PDE4D: variants seen among roughly 807,000 people sequenced by gnomAD.
PDE4D encodes 3',5'-cyclic-AMP phosphodiesterase 4D.
In PDE4D, 24 loss-of-function variants were observed where a neutral mutation model predicts 87.4. The observed-to-expected ratio is 0.27, with a 90% CI of 0.20 to 0.39. The LOEUF is 0.39. Ranked by LOEUF, PDE4D falls within the 10% of genes least tolerant of loss-of-function variation. PDE4D has a pLI of 1.00. For synonymous variants in PDE4D, 384 were observed against 383.2 expected, an observed-to-expected ratio of 1.00 and a Z score of -0.02; for missense variants, 714 against 1,041.0, an observed-to-expected ratio of 0.69 and a Z score of 4.32.
intron 1 of PDE4D, among the ~76,000 whole-genome samples, chr5:59,363,817 T>C (rs1782609646): frequency 6.6e-6 from 1 of 152,122 alleles, no homozygotes; most frequent in African/African-American, 2.4e-5. Context: ...CCTGTGAGCC[T>C]GGGGTGGGAC....
intron 1 of PDE4D, among the ~76,000 whole-genome samples, chr5:59,245,757 T>A (rs908190046): frequency 6.6e-6 from 1 of 152,110 alleles, no homozygotes; most frequent in Admixed American, 6.6e-5. Flanking sequence ...ATCTTGCTTT[T>A]CTCATCTTAA....
intron 1 of PDE4D, among the ~76,000 whole-genome samples, chr5:59,473,619 C>G (rs1212386942): frequency 2.0e-5 from 3 of 152,030 alleles, no homozygotes; most frequent in Non-Finnish European, 2.9e-5. Context: ...CAAGAACATC[C>G]CTGTACCAAT....
intron 5 of PDE4D, among the ~76,000 whole-genome samples, chr5:59,166,991 T>A (rs1782021242): frequency 6.6e-6 from 1 of 152,224 alleles, no homozygotes; most frequent in South Asian, 2.1e-4. Flanking sequence ...TAGTTTATAA[T>A]ACTTTTCAAC....
intron 1 of PDE4D, among the ~76,000 whole-genome samples, chr5:59,273,297 C>T (rs953584227): frequency 6.6e-6 from 1 of 151,220 alleles, no homozygotes; most frequent in African/African-American, 2.4e-5. Context: ...GAAGAGAGGC[C>T]GTTTGGGTTT....
chr5:59,687,709 C>T (rs1030831777), intron 1 of PDE4D, among the ~76,000 whole-genome samples: 1 of 152,136 alleles, frequency 6.6e-6, no homozygotes, highest in African/African-American at 2.4e-5. Flanking sequence ...ATCAAATTCA[C>T]ACATAACAAT....
At chr5:60,228,927 G>C (rs765082038) in intron 1 of PDE4D, among the ~76,000 whole-genome samples, 4 of 151,938 alleles carry the variant, frequency 2.6e-5, no homozygotes, top group Non-Finnish European at 4.4e-5. Flanking sequence ...TCAGATTAAA[G>C]AATCATGACA....
intron 1 of PDE4D, among the ~76,000 whole-genome samples, chr5:59,814,835 G>GA (rs907384942): frequency 1.2e-4 from 18 of 150,316 alleles, no homozygotes; most frequent in East Asian, 5.8e-4. Context: ...TAAGGAGGAG[G>GA]AAAAAAAAAT....
chr5:59,042,783 C>T lies in PDE4D; in HGVS notation c.809-3812G>A, dbSNP rs917010787. Among the ~76,000 whole-genome samples, 12 of 152,298 alleles carry T rather than the reference C, an allele frequency of 7.9e-5. 1 individual carries two copies. In the East Asian group the frequency reaches 2.1e-3, roughly 27 times the overall value. ...GAGGCTCTTCTGTGAACAAACAGTCCTCAATTCTTGCGGGCCAGCACTTGG... is the reference window on the plus strand; with the variant it reads ...GAGGCTCTTCTGTGAACAAACAGTCTTCAATTCTTGCGGGCCAGCACTTGG... On this transcript the variant is annotated intron_variant, in intron 5 of 14. Transcript: ENST00000340635.
At chr5:59,519,249 A>G (rs1811751635) in intron 1 of PDE4D, among the ~76,000 whole-genome samples, 1 of 152,256 alleles carries the variant, frequency 6.6e-6, no homozygotes, top group Non-Finnish European at 1.5e-5. Context: ...TTGCCCTTAT[A>G]GAGCTTACAT....
intron 2 of PDE4D, among the ~76,000 whole-genome samples, chr5:60,118,060 C>A (rs1302587096): frequency 2.0e-5 from 3 of 152,096 alleles, no homozygotes; most frequent in Admixed American, 2.0e-4. Flanking sequence ...TCCTGAAAAT[C>A]ACTCCTTTTG....
At chr5:59,978,998 T>C (rs1019593759) in intron 3 of PDE4D, among the ~76,000 whole-genome samples, 5 of 152,184 alleles carry the variant, frequency 3.3e-5, no homozygotes, top group Admixed American at 1.3e-4. Flanking sequence ...CACTACAATA[T>C]AGTGTAAACA....
intron 6 of PDE4D, among the ~76,000 whole-genome samples, chr5:59,013,881 G>A (rs1384316004): frequency 3.3e-5 from 5 of 152,116 alleles, no homozygotes; most frequent in Admixed American, 2.6e-4. Context: ...GATGAACATC[G>A]ATGCAAAAAT....
chr5:59,397,987 T>G, intron 1 of PDE4D, among the ~76,000 whole-genome samples: 1 of 120,552 alleles, frequency 8.3e-6, no homozygotes, highest in African/African-American at 3.3e-5. Flanking sequence ...CTAGAAGAAA[T>G]GGATAAATTC....
At chr5:60,319,702 G>A (rs973439646) in intron 1 of PDE4D, among the ~76,000 whole-genome samples, 1 of 152,208 alleles carries the variant, frequency 6.6e-6, no homozygotes, top group African/African-American at 2.4e-5. Context: ...CCTTCTAACA[G>A]TTAGGACCCT....
intron 3 of PDE4D, among the ~76,000 whole-genome samples, chr5:59,935,391 TAAA>T (rs1161922276): frequency 6.6e-6 from 1 of 151,804 alleles, no homozygotes; most frequent in Non-Finnish European, 1.5e-5. Context: ...TTATGGAAGA[TAAA>T]AACTGAAAAA....
intron 1 of PDE4D, among the ~76,000 whole-genome samples, chr5:59,533,379 A>T (rs143811864): frequency 6.6e-6 from 1 of 152,336 alleles, no homozygotes; most frequent in African/African-American, 2.4e-5. Flanking sequence ...AGAATTTTCT[A>T]TTGCCTTAGC....
At chr5:59,715,097 A>T (rs866573513) in intron 1 of PDE4D, among the ~76,000 whole-genome samples, 19 of 152,372 alleles carry the variant, frequency 1.2e-4, no homozygotes, top group African/African-American at 4.3e-4. Flanking sequence ...CTTCGGGCTC[A>T]TGAGAGCATG....
At chr5:59,500,069 C>T (rs989164176) in intron 1 of PDE4D, among the ~76,000 whole-genome samples, 1 of 152,058 alleles carries the variant, frequency 6.6e-6, no homozygotes, top group Non-Finnish European at 1.5e-5. Context: ...TCTCACACCA[C>T]TCAGAATGGC....
intron 1 of PDE4D, among the ~76,000 whole-genome samples, chr5:59,780,633 C>A (rs1204929393): frequency 6.6e-6 from 1 of 152,120 alleles, no homozygotes; most frequent in Non-Finnish European, 1.5e-5. Flanking sequence ...ATTTGTAATG[C>A]CTGGTCAGGA....
Sources: allele counts gnomAD v4.1 joint callset (sites outside exome capture counted in the v4.1 genomes callset), GRCh38; gene constraint gnomAD v4.1.1; transcripts MANE v1.5; gene names NCBI Gene and HGNC (gene_info 2026-07-23, HGNC 2026-07-21).